Variants in DAP observed in about 807,000 individuals in gnomAD.
DAP encodes the protein death associated protein.
A neutral mutation model predicts 13.8 loss-of-function variants in DAP; 8 were observed. That is an observed-to-expected ratio of 0.58 (90% CI 0.34 to 1.05). The LOEUF is 1.05. DAP is among the 50% of genes least tolerant of loss of function. The pLI, the probability that DAP is intolerant of heterozygous loss-of-function variation, is 0.03. For synonymous variants in DAP, 47 were observed against 47.5 expected (o/e 0.99, Z 0.04); for missense variants, 106 against 133.2 (o/e 0.80, Z 1.01).
intron 2 of DAP, among the ~76,000 whole-genome samples, chr5:10,740,580 A>T (rs1739730095): frequency 6.6e-6 from 1 of 152,238 alleles, no homozygotes; most frequent in Non-Finnish European, 1.5e-5. Context: ...AAATGACAAG[A>T]ATTATGGCTG....
At chr5:10,683,599 T>G (rs1738085918) in intron 2 of DAP, 28 bp from the exon 3 acceptor site, 2 of 1,611,890 alleles carry the variant, frequency 1.2e-6, no homozygotes, top group South Asian at 2.2e-5. Flanking sequence ...AAAAGGCAGA[T>G]TTAACAAAAC....
intron 1 of DAP, among the ~76,000 whole-genome samples, chr5:10,749,103 C>T (rs988630166): frequency 2.6e-5 from 4 of 152,146 alleles, no homozygotes; most frequent in East Asian, 1.9e-4. Context: ...TTGCACTTAG[C>T]GTGTTTTCAA....
intron 2 of DAP, among the ~76,000 whole-genome samples, chr5:10,688,285 A>C (rs1738207021): frequency 6.6e-6 from 1 of 152,296 alleles, no homozygotes; most frequent in African/African-American, 2.4e-5. Flanking sequence ...ATCAGTCAGC[A>C]GCCATCAACA....
chr5:10,709,170 T>A (rs1230577670), intron 2 of DAP, among the ~76,000 whole-genome samples: 3 of 152,258 alleles, frequency 2.0e-5, no homozygotes, highest in African/African-American at 7.2e-5. Flanking sequence ...AAAAAGCACA[T>A]CTGACTACCA....
chr5:10,733,999 T>C (rs1304769295), intron 2 of DAP: 3 of 152,252 alleles, frequency 2.0e-5, no homozygotes, highest in Non-Finnish European at 4.4e-5. Flanking sequence ...TTTCATTCTA[T>C]AAAATCCAAG....
chr5:10,680,566 C>T lies in DAP; in HGVS notation c.*490G>A, dbSNP rs1163220634. The T allele has an allele frequency of 3.0e-6, 2 of 671,052 alleles. No individual in the cohort carries two copies. Among genetic ancestry groups the T allele is most frequent in the East Asian group, 5.4e-5 (2 of 36,876 alleles). The allele number at this position is 671,052 out of a possible 1,614,324, so 41.6% of individuals were successfully genotyped here. On this transcript the variant is annotated 3_prime_UTR_variant, in exon 4 of 4. Transcript: ENST00000230895. ...AGAGGGAAATTTGGCATTGCTGTTC[C>T]CTGCCTCTAAGGTCCTTTATGAGGG...
chr5:10,733,112 A>G (rs929079968), intron 2 of DAP, among the ~76,000 whole-genome samples: 6 of 151,612 alleles, frequency 4.0e-5, no homozygotes, highest in Non-Finnish European at 5.9e-5. Context: ...ATGACGTGGC[A>G]TATGACAGGA....
At chr5:10,688,007 C>T (rs1738200262) in intron 2 of DAP, among the ~76,000 whole-genome samples, 1 of 151,388 alleles carries the variant, frequency 6.6e-6, no homozygotes, top group East Asian at 1.9e-4. Context: ...CCTCTACCTC[C>T]CAGGTTCAAG....
chr5:10,694,812 C>T (rs1386723683), intron 2 of DAP, among the ~76,000 whole-genome samples: 4 of 152,156 alleles, frequency 2.6e-5, no homozygotes, highest in African/African-American at 9.7e-5. Flanking sequence ...AGCACATGCG[C>T]TCATTGACCG....
chr5:10,708,862 G>A (rs1227792807), intron 2 of DAP, among the ~76,000 whole-genome samples: 1 of 152,212 alleles, frequency 6.6e-6, no homozygotes, highest in African/African-American at 2.4e-5. Flanking sequence ...TGTTGGGTGA[G>A]TGATTTTTCT....
chr5:10,697,860 AC>A (rs1262717916), intron 2 of DAP, among the ~76,000 whole-genome samples: 4 of 152,182 alleles, frequency 2.6e-5, no homozygotes, highest in African/African-American at 9.7e-5. Context: ...TTTGTGTCGA[AC>A]CCAGCAACAG....
rs1212962553 is a variant in DAP, at chr5:10,742,134, A to G, written c.152+6041T>C. Among the ~76,000 whole-genome samples the G allele has an allele frequency of 4.2e-5, 6 of 143,498 alleles. No individual in the cohort carries two copies. In the East Asian group the frequency reaches 1.0e-3, roughly 24 times the overall value. The allele number at this position is 143,498 out of a possible 152,430, so 94.1% of individuals were successfully genotyped here. ...TACCTCCTTTCTTATACATTAAGTA[A>G]CTGGAGTTCTTCTACAAAAAAGAGC... On this transcript the variant is annotated intron_variant, in intron 2 of 3. Transcript: ENST00000230895.
intron 1 of DAP, among the ~76,000 whole-genome samples, chr5:10,749,603 G>A (rs1045166197): frequency 1.3e-5 from 2 of 152,162 alleles, no homozygotes; most frequent in African/African-American, 4.8e-5. Context: ...TCTATTAAGA[G>A]TGGGAAATGC....
chr5:10,752,764 C>A (rs1246452429), intron 1 of DAP, among the ~76,000 whole-genome samples: 1 of 152,092 alleles, frequency 6.6e-6, no homozygotes, highest in African/African-American at 2.4e-5. Context: ...GGGTCTGCCA[C>A]CTATGAAGAA....
intron 2 of DAP, among the ~76,000 whole-genome samples, chr5:10,698,504 G>T (rs1738487403): frequency 6.6e-6 from 1 of 152,048 alleles, no homozygotes; most frequent in Non-Finnish European, 1.5e-5. Flanking sequence ...AGCATCAAAG[G>T]CCCCTAAAGT....
chr5:10,708,385 TAC>T (rs547741565), intron 2 of DAP, among the ~76,000 whole-genome samples: 16 of 145,160 alleles, frequency 1.1e-4, no homozygotes, highest in South Asian at 2.1e-4. Context: ...CAGACATACA[TAC>T]ACACACACAT....
chr5:10,682,768 G>C (rs538869570), intron 3 of DAP, among the ~76,000 whole-genome samples: 1 of 152,272 alleles, frequency 6.6e-6, no homozygotes, highest in Admixed American at 6.5e-5. Context: ...CCCATGCCGT[G>C]AGACACAGGA....
intron 2 of DAP, among the ~76,000 whole-genome samples, chr5:10,746,597 T>A (rs1739912646): frequency 6.6e-6 from 1 of 152,228 alleles, no homozygotes; most frequent in Non-Finnish European, 1.5e-5. Flanking sequence ...CCCAAAGTGC[T>A]GGGATTACTG....
At chr5:10,732,301 T>C (rs1004426114) in intron 2 of DAP, among the ~76,000 whole-genome samples, 1 of 152,212 alleles carries the variant, frequency 6.6e-6, no homozygotes, top group Non-Finnish European at 1.5e-5. Context: ...TCCAGAACTT[T>C]CATCATCCTC....
Sources: gnomAD v4.1 joint callset for allele counts (sites outside exome capture counted in the v4.1 genomes callset) on GRCh38, gnomAD v4.1.1 for gene constraint, MANE v1.5 for transcripts, NCBI Gene and HGNC (gene_info 2026-07-23, HGNC 2026-07-21) for gene names.